The following HS3ST2 variants were observed in gnomAD, a reference collection of about 807,000 sequenced individuals.
HS3ST2 encodes the protein heparan sulfate glucosamine 3-O-sulfotransferase 2.
A neutral mutation model predicts 26.3 loss-of-function variants in HS3ST2; 17 were observed. That is an observed-to-expected ratio of 0.65 (90% CI 0.44 to 0.97). The LOEUF is 0.97. Ranked by LOEUF, HS3ST2 falls within the 50% of genes least tolerant of loss-of-function variation. HS3ST2 has a pLI of 0.00. For missense variants in HS3ST2, 402 were observed against 501.2 expected (o/e 0.80, Z 1.89); for synonymous variants, 237 against 219.2 (o/e 1.08, Z -0.72).
chr16:22,825,709 T>G (rs1322914588), intron 1 of HS3ST2, among the ~76,000 whole-genome samples: 1 of 152,198 alleles, frequency 6.6e-6, no homozygotes, highest in Non-Finnish European at 1.5e-5. Context: ...TGATTTTACC[T>G]CTGTTTACAG....
At chr16:22,844,356 C>A (rs9302400) in intron 1 of HS3ST2, among the ~76,000 whole-genome samples, 9,413 of 152,146 alleles carry the variant, frequency 0.062, 932 homozygotes, top group African/African-American at 0.21. Flanking sequence ...AGACAAAGCT[C>A]CTTACAGTTC....
chr16:22,846,264 G>A (rs1286687458), intron 1 of HS3ST2, among the ~76,000 whole-genome samples: 2 of 145,718 alleles, frequency 1.4e-5, no homozygotes, highest in African/African-American at 5.0e-5. Flanking sequence ...GTGGCAGAGT[G>A]AGACTCGATT....
intron 1 of HS3ST2, among the ~76,000 whole-genome samples, chr16:22,838,737 C>T (rs897872522): frequency 6.6e-6 from 1 of 152,134 alleles, no homozygotes; most frequent in African/African-American, 2.4e-5. Context: ...GGCAGGCAGT[C>T]GATGAAAAGT....
At position 22,863,271 on chromosome 16, in the gene HS3ST2, A is replaced by G. The variant is rs139380314; in HGVS notation, c.485+48176A>G. 7.2e-3 allele frequency among the ~76,000 whole-genome samples: 1,103 copies of G among 152,262 alleles called. 13 individuals carry two copies. Among genetic ancestry groups the G allele is most frequent in the African/African-American group, 0.025 (1,033 of 41,536 alleles). On this transcript the variant is annotated intron_variant, in intron 1 of 1. Coordinates refer to ENST00000261374, the MANE Select transcript of HS3ST2 (RefSeq NM_006043.2). ...GGGCCATCACATTGCTCTTACTCTC[A>G]TGACTGTGCTCATAAAAATGGTCCC...
chr16:22,821,911 G>A (rs187572810), intron 1 of HS3ST2, among the ~76,000 whole-genome samples: 5 of 152,278 alleles, frequency 3.3e-5, no homozygotes, highest in South Asian at 2.1e-4. Context: ...GGAGCATCAC[G>A]TGGATTTCCT....
At chr16:22,844,178 A>G (rs145679280) in intron 1 of HS3ST2, among the ~76,000 whole-genome samples, 122 of 152,210 alleles carry the variant, frequency 8.0e-4, no homozygotes, top group African/African-American at 2.9e-3. Flanking sequence ...TGTAAGTGCC[A>G]TATGTCCCAG....
chr16:22,826,624 G>C (rs1174342778), intron 1 of HS3ST2, among the ~76,000 whole-genome samples: 1 of 152,204 alleles, frequency 6.6e-6, no homozygotes, highest in East Asian at 1.9e-4. Context: ...AGCTCAGAAA[G>C]GTGTCTGGCA....
chr16:22,871,793 T>C (rs1901842778), intron 1 of HS3ST2, among the ~76,000 whole-genome samples: 1 of 152,114 alleles, frequency 6.6e-6, no homozygotes, highest in African/African-American at 2.4e-5. Flanking sequence ...CCAGAAAGAC[T>C]CCTACATTGA....
chr16:22,884,659 A>AATATATATATATATATATT (rs1293337235), intron 1 of HS3ST2, among the ~76,000 whole-genome samples: 1 of 139,052 alleles, frequency 7.2e-6, no homozygotes, highest in Non-Finnish European at 1.6e-5. Flanking sequence ...TAGAGAAAAA[A>AATATATATATATATATATT]ATATATATAT....
chr16:22,885,581 G>A (rs1384577146), intron 1 of HS3ST2, among the ~76,000 whole-genome samples: 2 of 151,570 alleles, frequency 1.3e-5, no homozygotes, highest in African/African-American at 4.8e-5. Context: ...TCAGCCTCCC[G>A]AGTAGCTGGG....
intron 1 of HS3ST2, among the ~76,000 whole-genome samples, chr16:22,821,804 G>A (rs1408109855): frequency 6.6e-6 from 1 of 152,140 alleles, no homozygotes; most frequent in Admixed American, 6.5e-5. Context: ...AAGCCACCCG[G>A]GAGGGGAAAT....
chr16:22,879,708 AGTCT>A (rs2141196383), intron 1 of HS3ST2, among the ~76,000 whole-genome samples: 1 of 152,298 alleles, frequency 6.6e-6, no homozygotes, highest in Admixed American at 6.5e-5. Flanking sequence ...GCCATCCATC[AGTCT>A]GTCAGCCTCT....
chr16:22,907,556 C>T (rs1001064696), intron 1 of HS3ST2, among the ~76,000 whole-genome samples: 8 of 152,030 alleles, frequency 5.3e-5, no homozygotes, highest in Admixed American at 2.6e-4. Context: ...CTTACAAGAA[C>T]GAAAGACACT....
intron 1 of HS3ST2, among the ~76,000 whole-genome samples, chr16:22,910,937 G>A (rs1368063036): frequency 1.3e-5 from 2 of 152,160 alleles, no homozygotes; most frequent in Admixed American, 6.6e-5. Context: ...AGGAGTTGAG[G>A]TGTTAGGTTG....
chr16:22,884,659 AATATATATATATATATATT>A (rs1293337235), intron 1 of HS3ST2, among the ~76,000 whole-genome samples: 6 of 139,056 alleles, frequency 4.3e-5, no homozygotes, highest in East Asian at 2.0e-4. Context: ...TAGAGAAAAA[AATATATATATATATATATT>A]ATATATATAT....
chr16:22,831,131 G>C (rs1901161042), intron 1 of HS3ST2, among the ~76,000 whole-genome samples: 1 of 152,178 alleles, frequency 6.6e-6, no homozygotes, highest in Non-Finnish European at 1.5e-5. Flanking sequence ...CTCCATGATG[G>C]AATAAGAAGA....
intron 1 of HS3ST2, among the ~76,000 whole-genome samples, chr16:22,902,042 G>A (rs1407543728): frequency 6.6e-6 from 1 of 152,180 alleles, no homozygotes; most frequent in African/African-American, 2.4e-5. Flanking sequence ...GATAATAACT[G>A]TTAAATGTAT....
In HS3ST2 at chr16:22,814,900, G is replaced by A; in HGVS notation, c.290G>A (p.Arg97His). Reference sequence around the variant, plus strand: ...CCCGCCGCCGCCGTGCCCGCCCCTCGCCTCTCCGGTTCCAACCACTCCGGC... The same window carrying A: ...CCCGCCGCCGCCGTGCCCGCCCCTCACCTCTCCGGTTCCAACCACTCCGGC... ...SAPAAAVPAPRLSGSNHSGSP... is the reference protein window; with the variant it reads ...SAPAAAVPAPHLSGSNHSGSP... Residue 97 changes from arginine (R) to histidine (H), a missense_variant, in exon 1 of 2, where the codon CGC becomes CAC. Physicochemically the swap from Arg to His is conservative, Grantham distance 29. Around this residue, in one of 2 missense-constraint regions of HS3ST2, gnomAD observed 165 missense variants for 154.6 expected, o/e 1.07. Transcript: ENST00000261374. The A allele has an allele frequency of 6.3e-7, 1 of 1,578,170 alleles. No individual in the cohort carries two copies. Among genetic ancestry groups the A allele is most frequent in the Non-Finnish European group, 8.6e-7 (1 of 1,162,788 alleles).
chr16:22,834,370 A>G (rs1901220231), intron 1 of HS3ST2, among the ~76,000 whole-genome samples: 1 of 152,198 alleles, frequency 6.6e-6, no homozygotes. Flanking sequence ...TAGATATAAT[A>G]TGCTTTATAT....
Sources: gnomAD v4.1 joint callset for allele counts (sites outside exome capture counted in the v4.1 genomes callset) on GRCh38, gnomAD v4.1.1 for gene constraint, gnomAD v4.1.1 regional missense constraint, MANE v1.5 for transcripts, NCBI Gene and HGNC (gene_info 2026-07-23, HGNC 2026-07-21) for gene names.